Variants in PXN observed in about 807,000 individuals in gnomAD.
PXN encodes the protein testicular tissue protein Li 134.
A neutral mutation model predicts 103.6 loss-of-function variants in PXN; 61 were observed. The ratio of observed to expected loss-of-function variants is 0.59; its 90% CI spans 0.48 to 0.73. PXN has a LOEUF of 0.73. Among genes scored for constraint, PXN ranks in the 30% least tolerant of loss-of-function variants. The probability of loss-of-function intolerance (pLI) is 0.00; values close to 1 mark genes in which losing one functional copy is unlikely to be tolerated. For synonymous variants in PXN, 562 were observed against 607.8 expected, an observed-to-expected ratio of 0.92 and a Z score of 1.11; for missense variants, 1,274 against 1,460.3, an observed-to-expected ratio of 0.87 and a Z score of 2.08.
In PXN at chr12:120,224,642, C is replaced by T; in HGVS notation, c.14-265G>A. 1.5e-6 allele frequency: 1 copy of T among 668,276 alleles called. No homozygotes were observed. Among genetic ancestry groups the T allele is most frequent in the Non-Finnish European group, 2.8e-6 (1 of 363,556 alleles). 41.4% of individuals were successfully genotyped at this position (668,276 alleles called of 1,614,324 possible). A position where few individuals can be genotyped will look rare whatever the true frequency, so the allele number is the denominator to read the frequency against. Reference sequence around the variant, plus strand: ...TGGGGCTGCCCTGTGGGATCTCCTACCTCTGGGAGTCAGGCACCTGGCACT... The same window carrying T: ...TGGGGCTGCCCTGTGGGATCTCCTATCTCTGGGAGTCAGGCACCTGGCACT... On this transcript the variant is annotated intron_variant, in intron 1 of 14. Transcript: ENST00000637617. This position sits in a 1 kb window ranked among gnomAD's most constrained non-coding sequence, Gnocchi z 5.0.
At chr12:120,226,377 C>T (rs558008944) in intron 1 of PXN, 7 of 1,289,246 alleles carry the variant, frequency 5.4e-6, no homozygotes, top group African/African-American at 3.0e-5. Context: ...ATCCTCACAA[C>T]GCCACCAGCA....
rs529676697 is a variant in PXN, at chr12:120,257,093, G to T, written c.13+8524C>A. Among the ~76,000 whole-genome samples, 3 of 152,250 alleles carry T rather than the reference G, an allele frequency of 2.0e-5. No individual in the cohort carries two copies. In the South Asian group the frequency reaches 6.2e-4, roughly 32 times the overall value. ...ATTCAAAACAATACACACAGACCGG[G>T]ATCCAGAAGAGAATCGGCCTGAAGC... On this transcript the variant is annotated intron_variant, in intron 1 of 14. Transcript: ENST00000637617.
chr12:120,218,804 T>C (rs1884104862), intron 7 of PXN, among the ~76,000 whole-genome samples: 1 of 152,212 alleles, frequency 6.6e-6, no homozygotes, highest in African/African-American at 2.4e-5. Context: ...CCGGACAATC[T>C]TGATGGAAAT....
chr12:120,237,846 C>A (rs915392685), intron 1 of PXN, among the ~76,000 whole-genome samples: 1 of 152,146 alleles, frequency 6.6e-6, no homozygotes. Flanking sequence ...TCAGGAGGGC[C>A]CATCCCATGC....
chr12:120,215,615 GC>G lies in PXN; in HGVS notation c.2347del (p.Ala783ProfsTer53), dbSNP rs772744026. ...QRADGERCWA[A>X]GWPRDGGRSS... ...CCGCCCGCCGTCCCGAGGCCAGCCG[GC>G]CGCCCAGCACCGCTCCCCATCCGCT... On this transcript the variant is annotated frameshift_variant, in exon 10 of 15. Transcript: ENST00000637617. LOFTEE classifies it high-confidence loss of function. This position sits in a 1 kb window ranked among gnomAD's most constrained non-coding sequence, Gnocchi z 4.9. 3 of 1,611,308 alleles carry G rather than the reference GC, an allele frequency of 1.9e-6. No individual in the cohort carries two copies. The highest frequency in any genetic ancestry group is 2.5e-6 in the Non-Finnish European group (3 of 1,178,888).
chr12:120,218,107 C>T (rs559359119), intron 7 of PXN, among the ~76,000 whole-genome samples: 1 of 139,952 alleles, frequency 7.1e-6, no homozygotes, highest in Non-Finnish European at 1.5e-5. Context: ...TGCAGTGGTG[C>T]GATCACAACT....
intron 1 of PXN, among the ~76,000 whole-genome samples, chr12:120,241,913 T>C (rs941764160): frequency 1.3e-5 from 2 of 151,744 alleles, no homozygotes; most frequent in African/African-American, 4.8e-5. Context: ...AGAGCAAGAG[T>C]TGCAATACTC....
rs966134501 is a variant in PXN at position 120,211,444 on chromosome 12, A to C, written c.*870T>G. On this transcript the variant is annotated 3_prime_UTR_variant, in exon 15 of 15. Transcript: ENST00000637617. Reference sequence around the variant, plus strand: ...TTCCCCACCCCAACCCTCAGTACAAAGCAAACTTCACACCAGAGCCACCAT... The same window carrying C: ...TTCCCCACCCCAACCCTCAGTACAACGCAAACTTCACACCAGAGCCACCAT... 1 of 163,626 alleles carries C rather than the reference A, an allele frequency of 6.1e-6. No individual in the cohort carries two copies. Among genetic ancestry groups the C allele is most frequent in the African/African-American group, 2.4e-5 (1 of 41,670 alleles). The allele number at this position is 163,626 out of a possible 1,614,324, so 10.1% of individuals were successfully genotyped here.
chr12:120,235,656 G>A (rs1338804526), intron 1 of PXN, among the ~76,000 whole-genome samples: 2 of 152,130 alleles, frequency 1.3e-5, no homozygotes, highest in Non-Finnish European at 2.9e-5. Flanking sequence ...CAAGTCTCCT[G>A]TTCTCTTTTC....
At chr12:120,226,651 T>C (rs868631702) in intron 1 of PXN, 4 of 1,169,186 alleles carry the variant, frequency 3.4e-6, no homozygotes, top group South Asian at 3.4e-5. Context: ...GGAGCACAGA[T>C]CCCTAGGCTG....
Position 120,220,001 on chromosome 12 carries a change from T to A in PXN, c.922A>T (p.Met308Leu). ...GTGGGTGGCAGAAATACAGATGGCA[T>A]GGGAGGAGGAGAAGGAGGAAGGGAG... ...YCSLPPSPPP[M>L]PSVFLPPTTI... Residue 308 changes from methionine (M) to leucine (L), a missense_variant, in exon 7 of 15, where the codon ATG becomes TTG. Physicochemically the swap from Met to Leu is conservative, Grantham distance 15. Transcript: ENST00000637617. This position sits in a 1 kb window ranked among gnomAD's most constrained non-coding sequence, Gnocchi z 6.1. 1 of 1,577,846 alleles carries A rather than the reference T, an allele frequency of 6.3e-7. No homozygotes were observed. Among genetic ancestry groups the A allele is most frequent in the Non-Finnish European group, 8.6e-7 (1 of 1,162,928 alleles).
In PXN at chr12:120,228,550, C is replaced by A. The variant is rs1229018961; in HGVS notation, c.14-4173G>T. Among the ~76,000 whole-genome samples the A allele has an allele frequency of 1.3e-5, 2 of 152,222 alleles. No individual in the cohort carries two copies. The highest frequency in any genetic ancestry group is 2.9e-5 in the Non-Finnish European group (2 of 68,034). Reference sequence around the variant, plus strand: ...CCATTGGCCCGTCAGCTTCTTGCCACTGGGTAACCTCGTGCAATCTTGCAA... The same window carrying A: ...CCATTGGCCCGTCAGCTTCTTGCCAATGGGTAACCTCGTGCAATCTTGCAA... On this transcript the variant is annotated intron_variant, in intron 1 of 14. Coordinates refer to ENST00000637617, the MANE Select transcript of PXN (RefSeq NM_001385981.1). The surrounding 1 kb of genome is among the most constrained non-coding windows in gnomAD (Gnocchi z 4.7).
chr12:120,217,642 C>T lies in PXN; in HGVS notation c.1717-526G>A, dbSNP rs1418441505. On this transcript the variant is annotated intron_variant, in intron 7 of 14. Coordinates refer to ENST00000637617, the MANE Select transcript of PXN (RefSeq NM_001385981.1). The surrounding 1 kb of genome is among the most constrained non-coding windows in gnomAD (Gnocchi z 4.1). ...TCGCCCAGGCTGGAATGCAGTGGCG[C>T]GATCTGGTCTCACTGCAACCTCCGC... Among the ~76,000 whole-genome samples, 1 of 151,838 alleles carries T rather than the reference C, an allele frequency of 6.6e-6. No individual in the cohort carries two copies. Among genetic ancestry groups the T allele is most frequent in the Non-Finnish European group, 1.5e-5 (1 of 67,992 alleles).
intron 1 of PXN, among the ~76,000 whole-genome samples, chr12:120,238,441 G>C (rs1362934062): frequency 6.6e-6 from 1 of 152,158 alleles, no homozygotes; most frequent in African/African-American, 2.4e-5. Flanking sequence ...GGCTGGCCTG[G>C]CCTCCCTCCA....
At chr12:120,250,311 C>G (rs762193058) in intron 1 of PXN, 3 of 459,268 alleles carry the variant, frequency 6.5e-6, no homozygotes, top group Non-Finnish European at 8.6e-6. Flanking sequence ...GGGTGGGTCC[C>G]ACAGATCAAC....
At position 120,222,610 on chromosome 12, in the gene PXN, C is replaced by G. The variant is rs1431155074; in HGVS notation, c.634G>C (p.Asp212His). 1 of 1,609,602 alleles carries G rather than the reference C, an allele frequency of 6.2e-7. No individual in the cohort carries two copies. Among genetic ancestry groups the G allele is most frequent in the Non-Finnish European group, 8.5e-7 (1 of 1,178,278 alleles). Residue 212 changes from aspartate to histidine, a missense_variant, in exon 5 of 15, where the codon GAC becomes CAC. Asp to His is a moderately conservative substitution (Grantham distance 81, BLOSUM62 -1). Coordinates refer to ENST00000637617, the MANE Select transcript of PXN (RefSeq NM_001385981.1). This position sits in a 1 kb window ranked among gnomAD's most constrained non-coding sequence, Gnocchi z 4.7. ...AGACTCTCCACACTGGGCCGCACGT[C>G]CTCCAGGCCCCGGCCCCCATTCCGC... ...PKRNGGRGLE[D>H]VRPSVESLLD...
intron 1 of PXN, among the ~76,000 whole-genome samples, chr12:120,240,766 A>G (rs1227272107): frequency 6.6e-6 from 1 of 152,030 alleles, no homozygotes; most frequent in Non-Finnish European, 1.5e-5. Flanking sequence ...TCTGCCTCCT[A>G]ACTCTGCCAG....
chr12:120,253,903 T>G (rs1892593797), intron 1 of PXN, among the ~76,000 whole-genome samples: 1 of 152,144 alleles, frequency 6.6e-6, no homozygotes, highest in African/African-American at 2.4e-5. Context: ...ATTTTTGAGA[T>G]CGAGTCTTTC....
At chr12:120,223,135 A>G (rs1885713325) in intron 3 of PXN, 136 bp from the exon 4 acceptor site, 13 of 1,453,894 alleles carry the variant, frequency 8.9e-6, no homozygotes, top group Non-Finnish European at 1.2e-5. Flanking sequence ...GAGGGTAGGG[A>G]AGGGATGTGG....
Sources: allele counts gnomAD v4.1 joint callset (sites outside exome capture counted in the v4.1 genomes callset), GRCh38; gene constraint gnomAD v4.1.1; non-coding constraint Gnocchi (gnomAD v3.1); transcripts MANE v1.5; gene names NCBI Gene and HGNC (gene_info 2026-07-23, HGNC 2026-07-21).